Variants in ATP8B4 observed in about 807,000 individuals in gnomAD.
ATP8B4 encodes probable phospholipid-transporting ATPase IM.
ATP8B4 carries 133 observed loss-of-function variants against 145.6 expected under a neutral mutation model. The observed-to-expected ratio is 0.91, with a 90% CI of 0.79 to 1.05. The LOEUF is 1.05. ATP8B4 is among the 50% of genes least tolerant of loss of function. The pLI, the probability that ATP8B4 is intolerant of heterozygous loss-of-function variation, is 0.00. For synonymous variants in ATP8B4, 507 were observed against 492.9 expected, an observed-to-expected ratio of 1.03 and a Z score of -0.38; for missense variants, 1,458 against 1,425.2, an observed-to-expected ratio of 1.02 and a Z score of -0.37.
chr15:50,026,053 A>G (rs961886324), intron 6 of ATP8B4, among the ~76,000 whole-genome samples: 1 of 152,212 alleles, frequency 6.6e-6, no homozygotes, highest in African/African-American at 2.4e-5. Flanking sequence ...GGAAGACCCG[A>G]TGATTAAAGT....
At chr15:50,135,901 A>G (rs1435309595) in intron 1 of ATP8B4, among the ~76,000 whole-genome samples, 3 of 152,220 alleles carry the variant, frequency 2.0e-5, no homozygotes, top group African/African-American at 7.2e-5. Context: ...TATCTCCCCA[A>G]AATTAAACTG....
intron 6 of ATP8B4, among the ~76,000 whole-genome samples, chr15:50,035,472 C>G (rs965533520): frequency 6.6e-6 from 1 of 152,166 alleles, no homozygotes; most frequent in Non-Finnish European, 1.5e-5. Context: ...GGATAGAACT[C>G]TAACGTAGAC....
At chr15:50,107,814 T>C (rs1338236337) in intron 1 of ATP8B4, among the ~76,000 whole-genome samples, 1 of 152,158 alleles carries the variant, frequency 6.6e-6, no homozygotes, top group East Asian at 1.9e-4. Flanking sequence ...GTCAGTCATA[T>C]GGTGACCAGA....
At chr15:49,868,647 A>G (rs2033192879) in intron 25 of ATP8B4, among the ~76,000 whole-genome samples, 1 of 152,198 alleles carries the variant, frequency 6.6e-6, no homozygotes, top group African/African-American at 2.4e-5. Flanking sequence ...TAAATTCTAA[A>G]TAATTAACAT....
chr15:50,101,245 A>C (rs2056332907), intron 2 of ATP8B4, among the ~76,000 whole-genome samples: 1 of 152,204 alleles, frequency 6.6e-6, no homozygotes, highest in South Asian at 2.1e-4. Context: ...GGTGATGATA[A>C]TGTGGGTATG....
chr15:50,119,299 T>C (rs1004138606), upstream of ATP8B4: 1 of 152,138 alleles, frequency 6.6e-6, no homozygotes, highest in African/African-American at 2.4e-5. Flanking sequence ...AAACCTGAGA[T>C]CAACTCCTGG....
At chr15:49,933,222 T>C (rs1238709269) in intron 15 of ATP8B4, among the ~76,000 whole-genome samples, 2 of 151,812 alleles carry the variant, frequency 1.3e-5, no homozygotes, top group African/African-American at 4.8e-5. Flanking sequence ...AATTAGATAT[T>C]GGAAGTATCA....
chr15:49,948,025 A>G (rs993048524), intron 14 of ATP8B4, among the ~76,000 whole-genome samples: 3 of 152,214 alleles, frequency 2.0e-5, no homozygotes, highest in African/African-American at 7.2e-5. Flanking sequence ...TCCTAGAAGA[A>G]AATATGGAAG....
chr15:49,974,954 T>C (rs954399155), intron 12 of ATP8B4, among the ~76,000 whole-genome samples: 5 of 152,240 alleles, frequency 3.3e-5, no homozygotes, highest in Admixed American at 6.5e-5. Context: ...TTCATTATTG[T>C]AGCTTTATAA....
chr15:50,174,328 C>T (rs1330990787), intron 1 of ATP8B4, among the ~76,000 whole-genome samples: 2 of 152,036 alleles, frequency 1.3e-5, no homozygotes, highest in East Asian at 3.9e-4. Flanking sequence ...ATAGAGCATC[C>T]AAATCGGTAA....
chr15:49,949,856 GT>G (rs2042911913), intron 14 of ATP8B4, among the ~76,000 whole-genome samples: 1 of 152,102 alleles, frequency 6.6e-6, no homozygotes, highest in African/African-American at 2.4e-5. Context: ...CTTATCGAGA[GT>G]TTTTAACATT....
intron 2 of ATP8B4, among the ~76,000 whole-genome samples, chr15:50,097,272 C>T (rs1239583811): frequency 6.6e-6 from 1 of 152,034 alleles, no homozygotes; most frequent in Non-Finnish European, 1.5e-5. Flanking sequence ...TTTTTTATCA[C>T]CCTCTATCAA....
intron 1 of ATP8B4, among the ~76,000 whole-genome samples, chr15:50,176,183 A>G (rs1054560503): frequency 6.6e-6 from 1 of 152,052 alleles, no homozygotes; most frequent in African/African-American, 2.4e-5. Flanking sequence ...GGAATACTAC[A>G]CAACCATAAA....
rs143122491 is a variant in ATP8B4 at position 50,112,702 on chromosome 15, G to A, written c.-42-5694C>T. 1.7e-3 allele frequency among the ~76,000 whole-genome samples: 256 copies of A among 152,100 alleles called. No individual in the cohort carries two copies. The Middle Eastern group carries it at 0.031, about 18-fold the overall frequency. ...ACATCTGTAAAGTGGAGATGGGAAT[G>A]CCTTCCTCCAAGCTGTGTGAGGTTA... On this transcript the variant is annotated intron_variant, in intron 1 of 27. Coordinates refer to ENST00000284509, the MANE Select transcript of ATP8B4 (RefSeq NM_024837.4).
intron 1 of ATP8B4, among the ~76,000 whole-genome samples, chr15:50,142,155 T>C (rs190081481): frequency 1.1e-4 from 16 of 152,326 alleles, no homozygotes; most frequent in African/African-American, 3.6e-4. Flanking sequence ...GAGTGAGTTA[T>C]GATGCTGAAG....
At chr15:50,092,320 T>C (rs2055663168) in intron 2 of ATP8B4, among the ~76,000 whole-genome samples, 2 of 152,146 alleles carry the variant, frequency 1.3e-5, no homozygotes, top group Non-Finnish European at 2.9e-5. Flanking sequence ...CCAGATCCTC[T>C]ACAATTTTTC....
intron 7 of ATP8B4, among the ~76,000 whole-genome samples, chr15:50,010,202 A>C (rs2048624001): frequency 6.6e-6 from 1 of 152,122 alleles, no homozygotes; most frequent in Non-Finnish European, 1.5e-5. Context: ...CTCTGATCTC[A>C]ATAACTTTTG....
intron 20 of ATP8B4, among the ~76,000 whole-genome samples, chr15:49,912,563 G>T (rs28862395): frequency 0.077 from 11,692 of 152,082 alleles, 487 homozygotes; most frequent in Middle Eastern, 0.092. Flanking sequence ...AGAATTGGAT[G>T]ACTTCACTAC....
intron 1 of ATP8B4, among the ~76,000 whole-genome samples, chr15:50,140,916 A>T (rs2044198352): frequency 6.6e-6 from 1 of 152,182 alleles, no homozygotes; most frequent in African/African-American, 2.4e-5. Context: ...TTTGGGAAGC[A>T]CTAACTGAGA....
Sources: allele counts gnomAD v4.1 joint callset (sites outside exome capture counted in the v4.1 genomes callset), GRCh38; gene constraint gnomAD v4.1.1; transcripts MANE v1.5; gene names NCBI Gene and HGNC (gene_info 2026-07-23, HGNC 2026-07-21).